The following FRMD4A variants were observed in gnomAD, a reference collection of about 807,000 sequenced individuals.
The protein encoded by FRMD4A is FERM domain-containing protein 4A.
In FRMD4A, 29 loss-of-function variants were observed where a neutral mutation model predicts 129.1. The observed-to-expected ratio is 0.22, with a 90% CI of 0.17 to 0.31. The LOEUF (loss-of-function observed/expected upper bound fraction) is 0.31, where lower values mean the gene tolerates loss of function less well. Ranked by LOEUF, FRMD4A falls within the 10% of genes least tolerant of loss-of-function variation. The pLI is 1.00. For synonymous variants in FRMD4A, 634 were observed against 571.6 expected, an observed-to-expected ratio of 1.11 and a Z score of -1.56; for missense variants, 1,272 against 1,375.8, an observed-to-expected ratio of 0.92 and a Z score of 1.19.
chr10:13,735,831 A>T (rs536706599), intron 12 of FRMD4A, among the ~76,000 whole-genome samples: 1 of 152,292 alleles, frequency 6.6e-6, no homozygotes, highest in African/African-American at 2.4e-5. Context: ...TGGCTTTTGC[A>T]AGTGCAAAAA....
At chr10:14,018,842 C>T (rs1475810116) in intron 2 of FRMD4A, among the ~76,000 whole-genome samples, 9 of 152,014 alleles carry the variant, frequency 5.9e-5, no homozygotes, top group East Asian at 1.9e-4. Flanking sequence ...ATGAGTAGCT[C>T]GGGGCATGCA....
At chr10:13,787,876 AG>A (rs1205454580) in intron 5 of FRMD4A, among the ~76,000 whole-genome samples, 56 of 36,004 alleles carry the variant, frequency 1.6e-3, no homozygotes, top group Non-Finnish European at 4.8e-3. Context: ...TCAAAAAAAA[AG>A]AAAAAAAAAA....
Position 14,085,705 on chromosome 10 carries a change from G to A in FRMD4A, c.46-226793C>T, listed in dbSNP as rs189419824. On this transcript the variant is annotated intron_variant, in intron 2 of 24. Coordinates refer to ENST00000357447, the MANE Select transcript of FRMD4A (RefSeq NM_018027.5). ...TATCTTCCCATCTTCATTTGCGCTC[G>A]CTGTCCTGTGGAAACCTCCTCTCTG... 4.1e-3 allele frequency among the ~76,000 whole-genome samples: 627 copies of A among 152,284 alleles called. 2 individuals are homozygous for A. The highest frequency in any genetic ancestry group is 6.4e-3 in the Non-Finnish European group (435 of 68,008).
At chr10:13,998,879 T>G (rs1034047845) in intron 2 of FRMD4A, among the ~76,000 whole-genome samples, 1 of 152,198 alleles carries the variant, frequency 6.6e-6, no homozygotes, top group African/African-American at 2.4e-5. Context: ...ACGTCATCTT[T>G]CAGCCCCTGA....
chr10:13,739,970 C>T (rs2135050147), intron 11 of FRMD4A, among the ~76,000 whole-genome samples: 1 of 152,340 alleles, frequency 6.6e-6, no homozygotes, highest in East Asian at 1.9e-4. Context: ...TGTGGTGGCG[C>T]ATGCCTGTAA....
intron 2 of FRMD4A, among the ~76,000 whole-genome samples, chr10:14,246,213 G>A (rs1444171005): frequency 6.6e-6 from 1 of 152,132 alleles, no homozygotes; most frequent in African/African-American, 2.4e-5. Flanking sequence ...AAAGAATTAG[G>A]TCTTCAATTT....
chr10:14,127,530 G>A (rs566844414), intron 2 of FRMD4A, among the ~76,000 whole-genome samples: 19 of 152,098 alleles, frequency 1.2e-4, no homozygotes, highest in Non-Finnish European at 2.5e-4. Flanking sequence ...ACAGCTAGAC[G>A]GCCCAGATTC....
intron 2 of FRMD4A, among the ~76,000 whole-genome samples, chr10:14,010,534 G>A (rs1048166147): frequency 6.6e-6 from 1 of 151,784 alleles, no homozygotes; most frequent in Non-Finnish European, 1.5e-5. Flanking sequence ...CAGTCCCCGC[G>A]GAGTAGGTGA....
chr10:13,969,346 C>T (rs1019561612), intron 2 of FRMD4A, among the ~76,000 whole-genome samples: 1 of 152,258 alleles, frequency 6.6e-6, no homozygotes, highest in African/African-American at 2.4e-5. Context: ...AGCCTTTGAG[C>T]CCCAAACGCC....
chr10:13,791,051 G>A (rs1046525554), intron 5 of FRMD4A, among the ~76,000 whole-genome samples: 4 of 152,198 alleles, frequency 2.6e-5, no homozygotes, highest in African/African-American at 7.2e-5. Flanking sequence ...AGACGCTCAT[G>A]CATTTGCGTG....
At chr10:13,662,036 C>T (rs1473241105) in intron 19 of FRMD4A, among the ~76,000 whole-genome samples, 1 of 152,172 alleles carries the variant, frequency 6.6e-6, no homozygotes, top group African/African-American at 2.4e-5. Context: ...ATCTGGAACA[C>T]GGGGAAGAAG....
chr10:13,857,836 T>C (rs1294847294), intron 3 of FRMD4A, among the ~76,000 whole-genome samples: 1 of 152,210 alleles, frequency 6.6e-6, no homozygotes, highest in Non-Finnish European at 1.5e-5. Flanking sequence ...AGATCTGGAA[T>C]GGTAAACTTT....
intron 2 of FRMD4A, among the ~76,000 whole-genome samples, chr10:14,109,606 G>A (rs1653449424): frequency 1.3e-5 from 2 of 152,120 alleles, no homozygotes; most frequent in South Asian, 4.1e-4. Flanking sequence ...AGAAAAATTG[G>A]AGCAAAATTC....
intron 5 of FRMD4A, among the ~76,000 whole-genome samples, chr10:13,792,906 T>C (rs1056674349): frequency 6.6e-6 from 1 of 152,242 alleles, no homozygotes; most frequent in Admixed American, 6.5e-5. Flanking sequence ...ATAGAGGAGA[T>C]GCTATCTGGC....
intron 2 of FRMD4A, among the ~76,000 whole-genome samples, chr10:14,014,437 T>C (rs796190980): frequency 1.2e-4 from 18 of 152,300 alleles, no homozygotes; most frequent in African/African-American, 4.3e-4. Context: ...GGAAAATTCC[T>C]AGAGCAGGAG....
chr10:14,215,960 T>TAA (rs971327361), intron 2 of FRMD4A, among the ~76,000 whole-genome samples: 2 of 148,402 alleles, frequency 1.3e-5, no homozygotes, highest in African/African-American at 4.9e-5. Context: ...CTGGAAGGAA[T>TAA]AAAAAAAAAA....
At chr10:13,657,613 G>A in intron 21 of FRMD4A, 91 bp from the exon 22 acceptor site, 7 of 1,436,210 alleles carry the variant, frequency 4.9e-6, no homozygotes, top group African/African-American at 1.4e-5. Flanking sequence ...GGAGGGCACT[G>A]GGTGTCTGCA....
chr10:14,231,130 T>A (rs1843624987), intron 2 of FRMD4A, among the ~76,000 whole-genome samples: 1 of 152,164 alleles, frequency 6.6e-6, no homozygotes, highest in South Asian at 2.1e-4. Context: ...TTCCTTTGGA[T>A]GTATATCCAG....
intron 6 of FRMD4A, among the ~76,000 whole-genome samples, chr10:13,780,242 G>T (rs1173187764): frequency 6.6e-6 from 1 of 151,786 alleles, no homozygotes; most frequent in African/African-American, 2.4e-5. Context: ...CGGGAGAATC[G>T]CTTGAACCTG....
Sources: gnomAD v4.1 joint callset for allele counts (sites outside exome capture counted in the v4.1 genomes callset) on GRCh38, gnomAD v4.1.1 for gene constraint, MANE v1.5 for transcripts, NCBI Gene and HGNC (gene_info 2026-07-23, HGNC 2026-07-21) for gene names.